Variants in AGAP4 observed in about 807,000 individuals in gnomAD.
The protein encoded by AGAP4 is ArfGAP with GTPase domain, ankyrin repeat and PH domain 4.
AGAP4 carries 13 observed loss-of-function variants against 60.7 expected under a neutral mutation model. The observed-to-expected ratio is 0.21, with a 90% CI of 0.14 to 0.34. The LOEUF (loss-of-function observed/expected upper bound fraction) is 0.34, where lower values mean the gene tolerates loss of function less well. Among genes scored for constraint, AGAP4 ranks in the 10% least tolerant of loss-of-function variants. AGAP4 has a pLI of 1.00. For synonymous variants in AGAP4, 70 were observed against 339.0 expected, an observed-to-expected ratio of 0.21 and a Z score of 8.72; for missense variants, 169 against 884.0, an observed-to-expected ratio of 0.19 and a Z score of 10.26.
At chr10:45,846,810 C>T in intron 1 of AGAP4, 55 bp from the exon 2 acceptor site, 1 of 658,944 alleles carries the variant, frequency 1.5e-6, no homozygotes, top group Admixed American at 2.9e-5. Context: ...AAAAATTTAT[C>T]AACTCATTTA....
chr10:45,851,555 A>G (rs2059084192), upstream of AGAP4, among the ~76,000 whole-genome samples: 2 of 151,680 alleles, frequency 1.3e-5, no homozygotes, highest in South Asian at 2.1e-4. Flanking sequence ...GTGAGAAAAC[A>G]ATGACACAAA....
At chr10:45,850,947 A>T (rs1243051997), upstream of AGAP4, among the ~76,000 whole-genome samples, 1 of 152,112 alleles carries the variant, frequency 6.6e-6, no homozygotes, top group Middle Eastern at 3.2e-3. Context: ...ATACATACTA[A>T]ATCAAGCCAT....
At chr10:45,849,854 C>T (rs1176290736), upstream of AGAP4, among the ~76,000 whole-genome samples, 1 of 151,052 alleles carries the variant, frequency 6.6e-6, no homozygotes, top group African/African-American at 2.4e-5. Flanking sequence ...TGGTCAGGCC[C>T]GCCTCAGCCT....
upstream of AGAP4, among the ~76,000 whole-genome samples, chr10:45,851,424 T>C (rs1208565618): frequency 6.6e-6 from 1 of 151,766 alleles, no homozygotes; most frequent in Non-Finnish European, 1.5e-5. Flanking sequence ...CAATGCAGAG[T>C]CAAATTTTGC....
Position 45,844,306 on chromosome 10 carries a change from A to T in AGAP4, c.361+20T>A. 1 of 1,594,248 alleles carries T rather than the reference A, an allele frequency of 6.3e-7. No homozygotes were observed. The highest frequency in any genetic ancestry group is 1.1e-5 in the South Asian group (1 of 90,942). On this transcript the variant is annotated intron_variant, in intron 3 of 7. Coordinates refer to ENST00000616763, the MANE Select transcript of AGAP4 (RefSeq NM_001276343.3). ...GAGCTTTTATTCTTTCTCTTGGTGG[A>T]AAAAACAATGTCGTCTCACCATCTG...
intron 4 of AGAP4, among the ~76,000 whole-genome samples, chr10:45,839,984 G>A (rs1323231223): frequency 1.3e-5 from 2 of 150,336 alleles, no homozygotes; most frequent in Non-Finnish European, 3.0e-5. Context: ...AGGCGTACTG[G>A]TCTAAGCAGC....
intron 3 of AGAP4, among the ~76,000 whole-genome samples, chr10:45,843,933 T>G (rs1187296279): frequency 6.7e-6 from 1 of 150,138 alleles, no homozygotes; most frequent in African/African-American, 2.5e-5. Context: ...TTTTTTAATT[T>G]GTTTAAATGA....
chr10:45,850,879 T>C (rs1201934920), upstream of AGAP4, among the ~76,000 whole-genome samples: 1,724 of 152,132 alleles, frequency 0.011, 25 homozygotes, highest in African/African-American at 0.038. Flanking sequence ...AAGTTGAATA[T>C]AAATCTCTGT....
At chr10:45,848,642 C>A (rs1373590678), upstream of AGAP4, among the ~76,000 whole-genome samples, 1 of 152,042 alleles carries the variant, frequency 6.6e-6, no homozygotes, top group East Asian at 1.9e-4. Flanking sequence ...ATAGTTTGAT[C>A]CCAGCTAGTC....
intron 6 of AGAP4, among the ~76,000 whole-genome samples, chr10:45,828,686 C>CT (rs1229743163): frequency 0.032 from 1,308 of 41,370 alleles, 97 homozygotes; most frequent in Middle Eastern, 0.11. Context: ...CATAACTGTT[C>CT]TTTTTTTTTT....
intron 4 of AGAP4, among the ~76,000 whole-genome samples, chr10:45,836,997 GATGGGATT>G (rs1210617539): frequency 1.4e-5 from 2 of 147,386 alleles, no homozygotes; most frequent in Non-Finnish European, 3.0e-5. Flanking sequence ...CACCTGAGTA[GATGGGATT>G]ACAGGTGAGC....
intron 1 of AGAP4, chr10:45,853,652 T>C: frequency 7.8e-7 from 1 of 1,286,806 alleles, no homozygotes; most frequent in Non-Finnish European, 1.0e-6. Flanking sequence ...GAGACCAAGG[T>C]ACCTCCAGAG....
intron 2 of AGAP4, among the ~76,000 whole-genome samples, chr10:45,846,173 AAAGT>A (rs2058995975): frequency 6.6e-5 from 10 of 151,514 alleles, no homozygotes; most frequent in African/African-American, 2.4e-4. Flanking sequence ...ATTTTCTGTT[AAAGT>A]AAGAACTTTA....
At chr10:45,854,657 A>AAAG, upstream of AGAP4, 1 of 138,306 alleles carries the variant, frequency 7.2e-6, no homozygotes, top group East Asian at 2.1e-4. Flanking sequence ...AAAAAAAAAA[A>AAAG]AGAGAGAAAA....
chr10:45,849,583 A>C (rs1186188415), upstream of AGAP4, among the ~76,000 whole-genome samples: 1 of 151,066 alleles, frequency 6.6e-6, no homozygotes. Context: ...GATGTATAGA[A>C]ATACAATTGA....
intron 3 of AGAP4, among the ~76,000 whole-genome samples, chr10:45,844,108 G>A (rs1274369889): frequency 2.7e-5 from 4 of 150,314 alleles, no homozygotes; most frequent in Admixed American, 6.6e-5. Flanking sequence ...TAATTGTGTT[G>A]ATAAAAAGAT....
intron 4 of AGAP4, among the ~76,000 whole-genome samples, chr10:45,836,665 A>T: frequency 1.2e-5 from 1 of 82,528 alleles, no homozygotes. Flanking sequence ...TTGAGCTGTG[A>T]CCCTTGTATG....
At chr10:45,852,217 TAAA>T (rs781889843), upstream of AGAP4, among the ~76,000 whole-genome samples, 27 of 91,712 alleles carry the variant, frequency 2.9e-4, no homozygotes, top group African/African-American at 1.2e-3. Flanking sequence ...GGCCAGACTT[TAAA>T]AAAAAAAAAA....
chr10:45,830,087 T>G (rs1373486665), intron 6 of AGAP4, among the ~76,000 whole-genome samples: 1 of 148,886 alleles, frequency 6.7e-6, no homozygotes, highest in African/African-American at 2.4e-5. Context: ...GATTTAGTGT[T>G]AACAAATACC....
Sources: allele counts gnomAD v4.1 joint callset (sites outside exome capture counted in the v4.1 genomes callset), GRCh38; gene constraint gnomAD v4.1.1; transcripts MANE v1.5; gene names NCBI Gene and HGNC (gene_info 2026-07-23, HGNC 2026-07-21).